The following SH3D19 variants were observed in gnomAD, a reference collection of about 807,000 sequenced individuals.
SH3D19 encodes SH3 domain containing 19.
A neutral mutation model predicts 112.1 loss-of-function variants in SH3D19; 58 were observed. The ratio of observed to expected loss-of-function variants is 0.52; its 90% CI spans 0.42 to 0.64. The LOEUF is 0.64. SH3D19 is among the 30% of genes least tolerant of loss of function. The probability of loss-of-function intolerance (pLI) is 0.00; values close to 1 mark genes in which losing one functional copy is unlikely to be tolerated. For missense variants in SH3D19, 1,090 were observed against 1,263.4 expected (o/e 0.86, Z 2.08); for synonymous variants, 391 against 448.5 (o/e 0.87, Z 1.62).
At chr4:151,316,978 G>A (rs1029959334) in intron 1 of SH3D19, among the ~76,000 whole-genome samples, 3 of 152,192 alleles carry the variant, frequency 2.0e-5, no homozygotes, top group Admixed American at 6.5e-5. Context: ...TACATGTCAA[G>A]TACTATAAAT....
chr4:151,292,817 C>T lies in SH3D19; in HGVS notation c.112+32424G>A, dbSNP rs140090387. ...TCTGAAAGTTGACTTAAAGTAAGTA[C>T]ATTTTGGCTTACTTTAAGCTTTAAG... On this transcript the variant is annotated intron_variant, in intron 1 of 19. Coordinates refer to ENST00000604030, the MANE Select transcript of SH3D19 (RefSeq NM_001378122.1). Among the ~76,000 whole-genome samples the T allele has an allele frequency of 2.1e-3, 327 of 152,234 alleles. 1 individual carries two copies. Among genetic ancestry groups the T allele is most frequent in the African/African-American group, 7.1e-3 (294 of 41,552 alleles).
rs1173220735 is a variant in SH3D19, at chr4:151,134,951, G to A, written c.2486+123C>T. 4.1e-6 allele frequency: 3 copies of A among 724,650 alleles called. No individual in the cohort carries two copies. In the Admixed American group the frequency reaches 9.4e-5, roughly 23 times the overall value. 44.9% of individuals were successfully genotyped at this position (724,650 alleles called of 1,614,324 possible). On this transcript the variant is annotated intron_variant, in intron 15 of 19. Transcript: ENST00000604030. The stretch of plus-strand genomic sequence containing the variant: ...AATCCTCCCACCTCAGCCTCCCAAA[G>A]TACTGGGATACAGGTCTGAGCCACC...
At chr4:151,210,401 AT>A (rs34777650) in intron 2 of SH3D19, among the ~76,000 whole-genome samples, 12,185 of 136,672 alleles carry the variant, frequency 0.089, 460 homozygotes, top group East Asian at 0.18. Context: ...TATCATCCCA[AT>A]TTTTTTTTTT....
At chr4:151,184,407 G>T (rs190552806) in intron 3 of SH3D19, among the ~76,000 whole-genome samples, 3 of 152,156 alleles carry the variant, frequency 2.0e-5, no homozygotes, top group Admixed American at 2.0e-4. Flanking sequence ...TACTCATTCT[G>T]TATTTATATG....
chr4:151,245,864 G>C (rs1277196698), intron 1 of SH3D19, among the ~76,000 whole-genome samples: 1 of 152,150 alleles, frequency 6.6e-6, no homozygotes, highest in Non-Finnish European at 1.5e-5. Flanking sequence ...GCCTCCCAAA[G>C]TGCTGGGATT....
At chr4:151,161,039 T>C (rs1386681743) in intron 8 of SH3D19, among the ~76,000 whole-genome samples, 3 of 152,186 alleles carry the variant, frequency 2.0e-5, no homozygotes, top group African/African-American at 7.2e-5. Context: ...GCCAGTAATA[T>C]GAAAGTAGAA....
chr4:151,189,769 T>C (rs1253196814), intron 2 of SH3D19, among the ~76,000 whole-genome samples: 1 of 152,128 alleles, frequency 6.6e-6, no homozygotes, highest in African/African-American at 2.4e-5. Context: ...CAGTCTCAGG[T>C]ATGTCTTTAT....
At chr4:151,180,338 T>A (rs1760649464) in intron 3 of SH3D19, among the ~76,000 whole-genome samples, 1 of 152,158 alleles carries the variant, frequency 6.6e-6, no homozygotes, top group African/African-American at 2.4e-5. Context: ...TTTTCCCAAA[T>A]TTTATTTTAT....
At chr4:151,325,212 C>T (rs575892795) in intron 1 of SH3D19, 29 bp downstream of exon 1, 20 of 1,185,704 alleles carry the variant, frequency 1.7e-5, no homozygotes, top group Non-Finnish European at 2.1e-5. Flanking sequence ...GCTCTGGGTC[C>T]CCGCCGCCCC....
At chr4:151,304,702 T>A (rs987845683) in intron 1 of SH3D19, among the ~76,000 whole-genome samples, 1 of 152,020 alleles carries the variant, frequency 6.6e-6, no homozygotes, top group African/African-American at 2.4e-5. Context: ...GAGAATGAGA[T>A]GGTTTGAGGA....
intron 1 of SH3D19, among the ~76,000 whole-genome samples, chr4:151,231,526 C>G (rs372289915): frequency 6.6e-6 from 1 of 152,112 alleles, no homozygotes. Context: ...TTGAGATTCC[C>G]ACAGTGATGG....
At chr4:151,215,710 G>T (rs1418857370) in intron 2 of SH3D19, among the ~76,000 whole-genome samples, 3 of 152,178 alleles carry the variant, frequency 2.0e-5, no homozygotes, top group Admixed American at 6.5e-5. Flanking sequence ...CTTATCATGA[G>T]GGCAGAAATG....
Position 151,174,779 on chromosome 4 carries a change from C to A in SH3D19, c.1425G>T (p.Leu475=). Residue 475 remains leucine, a synonymous_variant, in exon 7 of 20, where the codon CTG becomes CTT. Coordinates refer to ENST00000604030, the MANE Select transcript of SH3D19 (RefSeq NM_001378122.1). ...CGATGTCCACCAAGGGCTTGCTCTG[C>A]AGAACTGGAACTGGGGGGTTGGCTG... ...GPPANPPVPV[L]QSKPLVDIDL... The A allele has an allele frequency of 1.9e-6, 3 of 1,548,624 alleles. No individual in the cohort carries two copies. Among genetic ancestry groups the A allele is most frequent in the Non-Finnish European group, 2.6e-6 (3 of 1,151,080 alleles).
intron 1 of SH3D19, among the ~76,000 whole-genome samples, chr4:151,318,916 G>T (rs1730272122): frequency 6.6e-6 from 1 of 152,104 alleles, no homozygotes; most frequent in African/African-American, 2.4e-5. Flanking sequence ...CTTCTTTAAA[G>T]TGTAACAGTC....
intron 1 of SH3D19, among the ~76,000 whole-genome samples, chr4:151,324,254 C>A (rs1183625423): frequency 2.6e-5 from 4 of 152,176 alleles, no homozygotes; most frequent in Non-Finnish European, 4.4e-5. Context: ...CGCACAGATA[C>A]AATATCTTCT....
At chr4:151,262,624 T>TG (rs1772462754) in intron 1 of SH3D19, 1 of 152,126 alleles carries the variant, frequency 6.6e-6, no homozygotes, top group Non-Finnish European at 1.5e-5. Flanking sequence ...GCTAAACTGT[T>TG]GAAGAGTTTC....
intron 2 of SH3D19, among the ~76,000 whole-genome samples, chr4:151,196,169 CATCAA>C (rs1763435404): frequency 6.6e-6 from 1 of 152,190 alleles, no homozygotes; most frequent in African/African-American, 2.4e-5. Context: ...AAAAACGGAA[CATCAA>C]AGGCAGGCCC....
intron 3 of SH3D19, among the ~76,000 whole-genome samples, chr4:151,186,667 T>TC (rs574430238): frequency 6.8e-4 from 103 of 152,144 alleles, no homozygotes; most frequent in Non-Finnish European, 9.1e-4. Flanking sequence ...ACTCCTGACC[T>TC]CAGGTGATCC....
At chr4:151,250,627 A>G (rs1771293157) in intron 1 of SH3D19, among the ~76,000 whole-genome samples, 1 of 152,222 alleles carries the variant, frequency 6.6e-6, no homozygotes, top group Non-Finnish European at 1.5e-5. Flanking sequence ...TCTGGTGTTG[A>G]AATTTTTTTA....
Sources: gnomAD v4.1 joint callset for allele counts (sites outside exome capture counted in the v4.1 genomes callset) on GRCh38, gnomAD v4.1.1 for gene constraint, MANE v1.5 for transcripts, NCBI Gene and HGNC (gene_info 2026-07-23, HGNC 2026-07-21) for gene names.